The following TRAF2 variants were observed in gnomAD, a reference collection of about 807,000 sequenced individuals.
TRAF2 encodes TNF receptor-associated factor 2.
TRAF2 carries 6 observed loss-of-function variants against 55.6 expected under a neutral mutation model. That is an observed-to-expected ratio of 0.11 (90% CI 0.06 to 0.21). The LOEUF (loss-of-function observed/expected upper bound fraction) is 0.21. TRAF2 is among the 10% of genes least tolerant of loss of function. The probability of loss-of-function intolerance (pLI) is 1.00; values close to 1 mark genes in which losing one functional copy is unlikely to be tolerated. For synonymous variants in TRAF2, 329 were observed against 276.3 expected, an observed-to-expected ratio of 1.19 and a Z score of -1.89; for missense variants, 561 against 684.5, an observed-to-expected ratio of 0.82 and a Z score of 2.01.
intron 4 of TRAF2, among the ~76,000 whole-genome samples, chr9:136,903,548 TTA>T (rs1554779972): frequency 1.3e-5 from 2 of 151,742 alleles, no homozygotes; most frequent in Admixed American, 6.6e-5. Context: ...TTTTTTTTTT[TTA>T]AACTGTGTCT....
intron 1 of TRAF2, among the ~76,000 whole-genome samples, chr9:136,896,030 C>T (rs945072556): frequency 1.3e-5 from 2 of 152,078 alleles, no homozygotes; most frequent in Non-Finnish European, 2.9e-5. Flanking sequence ...ACACCATGCC[C>T]CTGTCCTTCC....
intron 1 of TRAF2, among the ~76,000 whole-genome samples, chr9:136,892,622 A>G (rs1040342858): frequency 6.6e-6 from 1 of 151,990 alleles, no homozygotes; most frequent in Non-Finnish European, 1.5e-5. Flanking sequence ...GCTCATGCCT[A>G]TAATCTCAGC....
At chr9:136,909,091 AAAG>A (rs1263095091) in intron 5 of TRAF2, among the ~76,000 whole-genome samples, 1 of 152,168 alleles carries the variant, frequency 6.6e-6, no homozygotes, top group African/African-American at 2.4e-5. Flanking sequence ...TTAGGACAAA[AAAG>A]CATTTTTGTC....
intron 10 of TRAF2, among the ~76,000 whole-genome samples, chr9:136,925,196 A>AGGGGGT (rs1850499194): frequency 6.6e-6 from 1 of 151,892 alleles, no homozygotes; most frequent in Non-Finnish European, 1.5e-5. Flanking sequence ...TGGGTGGGGG[A>AGGGGGT]GGGGGTGTGG....
At chr9:136,911,264 C>CTTTTTTTTTT (rs34077067) in intron 6 of TRAF2, among the ~76,000 whole-genome samples, 4 of 122,566 alleles carry the variant, frequency 3.3e-5, no homozygotes, top group South Asian at 2.6e-4. Context: ...TCCTTCCCGT[C>CTTTTTTTTTT]TTTTTTTTTT....
upstream of TRAF2, chr9:136,886,498 G>A (rs1849449820): frequency 1.0e-6 from 1 of 1,001,446 alleles, no homozygotes; most frequent in South Asian, 4.3e-5. Flanking sequence ...GTTGGGGGCG[G>A]TAGCTGGGCG....
At chr9:136,895,064 CCT>C (rs1159090017) in intron 1 of TRAF2, among the ~76,000 whole-genome samples, 1 of 152,172 alleles carries the variant, frequency 6.6e-6, no homozygotes, top group African/African-American at 2.4e-5. Flanking sequence ...GCTGGGAAGA[CCT>C]CTTTCTGGCA....
At chr9:136,909,893 T>A (rs779801173) in intron 5 of TRAF2, 27 bp from the exon 6 acceptor site, 1 of 1,613,768 alleles carries the variant, frequency 6.2e-7, no homozygotes, top group Non-Finnish European at 8.5e-7. Context: ...GCGTCCACCC[T>A]CACACTCCTG....
At chr9:136,887,961 C>T (rs1564402204) in intron 1 of TRAF2, among the ~76,000 whole-genome samples, 1 of 152,022 alleles carries the variant, frequency 6.6e-6, no homozygotes, top group Non-Finnish European at 1.5e-5. Context: ...CCTCCGCCTC[C>T]TGGGTTCAAG....
chr9:136,886,447 C>T, upstream of TRAF2: 1 of 1,004,866 alleles, frequency 1.0e-6, no homozygotes, highest in Non-Finnish European at 1.2e-6. Context: ...CCATGTCCGT[C>T]CGTCAGGCGC....
At chr9:136,920,598 C>T in intron 8 of TRAF2, 83 bp downstream of exon 8, 1 of 1,476,076 alleles carries the variant, frequency 6.8e-7, no homozygotes, top group Non-Finnish European at 9.0e-7. Flanking sequence ...TCTAGCAGGT[C>T]CTGGAGCTTT....
chr9:136,924,290 G>A (rs1343332311), intron 10 of TRAF2, among the ~76,000 whole-genome samples: 1 of 152,132 alleles, frequency 6.6e-6, no homozygotes, highest in Non-Finnish European at 1.5e-5. Context: ...TGGGCGGGGA[G>A]TATGTATCCC....
At chr9:136,911,116 G>A (rs751177493) in intron 6 of TRAF2, among the ~76,000 whole-genome samples, 1 of 152,226 alleles carries the variant, frequency 6.6e-6, no homozygotes, top group Non-Finnish European at 1.5e-5. Context: ...GAGGAGTTAG[G>A]AGGTGATTCT....
chr9:136,891,354 C>T lies in TRAF2; in HGVS notation c.-29+4813C>T, dbSNP rs367733288. Among the ~76,000 whole-genome samples the T allele has an allele frequency of 3.9e-5, 6 of 152,106 alleles. No individual in the cohort carries two copies. The East Asian group carries it at 5.8e-4, about 15-fold the overall frequency. Reference sequence around the variant, plus strand: ...TGAACTCCTGACCTCATGATCCGCCCGCCTCGGCCTCCCAAAGTGCTGGGA... The same window carrying T: ...TGAACTCCTGACCTCATGATCCGCCTGCCTCGGCCTCCCAAAGTGCTGGGA... On this transcript the variant is annotated intron_variant, in intron 1 of 10. Coordinates refer to ENST00000247668, the MANE Select transcript of TRAF2 (RefSeq NM_021138.4).
At chr9:136,908,321 C>T in intron 5 of TRAF2, 90 bp downstream of exon 5, 10 of 1,377,466 alleles carry the variant, frequency 7.3e-6, no homozygotes, top group Non-Finnish European at 8.6e-6. Flanking sequence ...CTGCGTCGGC[C>T]CCTTTGCACT....
At position 136,911,846 on chromosome 9, in the gene TRAF2, C is replaced by T. The variant is rs373857181; in HGVS notation, c.603+1852C>T. 3.3e-3 allele frequency among the ~76,000 whole-genome samples: 239 copies of T among 71,462 alleles called. 2 individuals carry two copies. Among genetic ancestry groups the T allele is most frequent in the African/African-American group, 0.014 (228 of 15,726 alleles). The allele number at this position is 71,462 out of a possible 152,430, so 46.9% of individuals were successfully genotyped here. On this transcript the variant is annotated intron_variant, in intron 6 of 10. Transcript: ENST00000247668. Reference sequence around the variant, plus strand: ...GCGTGCTTGGGATTTTCTCTTATCTCTTTTTTTTTTTTTTTTTTTTTGAGA... The same window carrying T: ...GCGTGCTTGGGATTTTCTCTTATCTTTTTTTTTTTTTTTTTTTTTTTGAGA...
chr9:136,889,219 GTT>G lies in TRAF2; in HGVS notation c.-29+2693_-29+2694del, dbSNP rs533626382. ...TTTTTTTGTTTGTGTGGTTTTTTCT[GTT>G]TTTTTTTTTTTTTTGAGACGGAGTC... On this transcript the variant is annotated intron_variant, in intron 1 of 10. Coordinates refer to ENST00000247668, the MANE Select transcript of TRAF2 (RefSeq NM_021138.4). Among the ~76,000 whole-genome samples, 556 of 123,086 alleles carry G rather than the reference GTT, an allele frequency of 4.5e-3. 4 individuals carry two copies. The highest frequency in any genetic ancestry group is 0.016 in the African/African-American group (531 of 33,692). The allele number at this position is 123,086 out of a possible 152,430, so 80.7% of individuals were successfully genotyped here. A position where few individuals can be genotyped will look rare whatever the true frequency, so the allele number is the denominator to read the frequency against.
chr9:136,910,556 C>T (rs1221225475), intron 6 of TRAF2, among the ~76,000 whole-genome samples: 2 of 152,192 alleles, frequency 1.3e-5, no homozygotes, highest in Non-Finnish European at 2.9e-5. Flanking sequence ...AAACATTTTC[C>T]CAAACTGCCT....
chr9:136,900,325 A>G, intron 3 of TRAF2, 97 bp from the exon 4 acceptor site: 1 of 745,408 alleles, frequency 1.3e-6, no homozygotes, highest in Non-Finnish European at 2.2e-6. Context: ...AGGCGATGTG[A>G]CGCAGTATTG....
Sources: allele counts gnomAD v4.1 joint callset (sites outside exome capture counted in the v4.1 genomes callset), GRCh38; gene constraint gnomAD v4.1.1; transcripts MANE v1.5; gene names NCBI Gene and HGNC (gene_info 2026-07-23, HGNC 2026-07-21).